The following THEMIS variants were observed in gnomAD, a reference collection of about 807,000 sequenced individuals.
THEMIS encodes protein THEMIS.
A neutral mutation model predicts 52.6 loss-of-function variants in THEMIS; 37 were observed. That is an observed-to-expected ratio of 0.70 (90% CI 0.54 to 0.93). The LOEUF (loss-of-function observed/expected upper bound fraction) is 0.93, where lower values mean the gene tolerates loss of function less well. Among genes scored for constraint, THEMIS ranks in the 40% least tolerant of loss-of-function variants. The pLI is 0.00. For missense variants in THEMIS, 808 were observed against 763.1 expected (o/e 1.06, Z -0.69); for synonymous variants, 292 against 272.7 (o/e 1.07, Z -0.70).
chr6:127,842,235 A>G (rs1415114924), intron 2 of THEMIS, among the ~76,000 whole-genome samples: 1 of 152,050 alleles, frequency 6.6e-6, no homozygotes, highest in African/African-American at 2.4e-5. Flanking sequence ...TGAAAGATTG[A>G]TCATTTCAAT....
chr6:127,889,874 C>A (rs867172146), intron 1 of THEMIS, among the ~76,000 whole-genome samples: 5 of 152,054 alleles, frequency 3.3e-5, no homozygotes, highest in Non-Finnish European at 7.4e-5. Context: ...TATCTATACT[C>A]ACTCTCACAA....
intron 2 of THEMIS, among the ~76,000 whole-genome samples, chr6:127,851,366 AAGAC>A (rs1779419235): frequency 6.6e-6 from 1 of 151,738 alleles, no homozygotes; most frequent in Admixed American, 6.6e-5. Context: ...TTGAAAATCA[AAGAC>A]AGCCTTGGAA....
intron 1 of THEMIS, among the ~76,000 whole-genome samples, chr6:127,880,451 T>C (rs1780446762): frequency 6.6e-6 from 1 of 151,450 alleles, no homozygotes; most frequent in Non-Finnish European, 1.5e-5. Flanking sequence ...AAAATCAGGG[T>C]GGTTTCTGCT....
intron 2 of THEMIS, among the ~76,000 whole-genome samples, chr6:127,831,795 G>C (rs987860214): frequency 2.6e-5 from 4 of 152,170 alleles, no homozygotes; most frequent in Admixed American, 2.6e-4. Context: ...TGTATGCTGT[G>C]CTTGACTAAA....
chr6:127,719,602 ATAATAG>A (rs1049566620), intron 5 of THEMIS, 80 bp downstream of exon 5: 12 of 1,270,800 alleles, frequency 9.4e-6, no homozygotes, highest in Non-Finnish European at 1.3e-5. Flanking sequence ...TCCAAATAAA[ATAATAG>A]TAAGAATCTG....
chr6:127,848,568 A>G (rs1779305350), intron 2 of THEMIS, among the ~76,000 whole-genome samples: 1 of 151,470 alleles, frequency 6.6e-6, no homozygotes, highest in South Asian at 2.1e-4. Flanking sequence ...CTATTTCTCC[A>G]CATCCTCTCC....
At chr6:127,869,622 C>T (rs923265677) in intron 1 of THEMIS, among the ~76,000 whole-genome samples, 5 of 152,198 alleles carry the variant, frequency 3.3e-5, no homozygotes, top group Admixed American at 2.6e-4. Flanking sequence ...TCAAAGGCTT[C>T]AGCTAGGACT....
At position 127,709,801 on chromosome 6, in the gene THEMIS, C is replaced by T; in HGVS notation, c.*184G>A. On this transcript the variant is annotated 3_prime_UTR_variant, in exon 6 of 6. Coordinates refer to ENST00000368248, the MANE Select transcript of THEMIS (RefSeq NM_001010923.3). ...CACAACAGAATAGACTATATGAATT[C>T]TATATCATAGGTTTCTGTAAGTTTT... The T allele has an allele frequency of 1.8e-6, 1 of 565,840 alleles. No individual in the cohort carries two copies. Among genetic ancestry groups the T allele is most frequent in the Non-Finnish European group, 3.1e-6 (1 of 325,984 alleles). 35.1% of individuals were successfully genotyped at this position (565,840 alleles called of 1,614,324 possible).
intron 4 of THEMIS, among the ~76,000 whole-genome samples, chr6:127,730,356 A>AAG (rs1774742993): frequency 5.1e-5 from 7 of 136,230 alleles, no homozygotes; most frequent in Admixed American, 4.3e-4. Flanking sequence ...GAAGAGAAGA[A>AAG]AAGAGAAGAC....
chr6:127,700,646 T>C, the THEMIS span, among the ~76,000 whole-genome samples: 1 of 152,016 alleles, frequency 6.6e-6, no homozygotes, highest in African/African-American at 2.4e-5. Context: ...ATCATCCCAA[T>C]GGAAAAAATG....
Position 127,813,939 on chromosome 6 carries a change from G to T in THEMIS, c.710-8C>A. ...GGATTATATCTTTTCGAACTAAAAA[G>T]AAAAAATAAATCACTATGATATTTT... is the stretch of plus-strand genomic sequence containing the variant. On this transcript the variant is annotated splice_region_variant and splice_polypyrimidine_tract_variant and intron_variant, in intron 3 of 5. Coordinates refer to ENST00000368248, the MANE Select transcript of THEMIS (RefSeq NM_001010923.3). The T allele has an allele frequency of 2.6e-6, 4 of 1,520,956 alleles. No individual in the cohort carries two copies. The highest frequency in any genetic ancestry group is 3.5e-6 in the Non-Finnish European group (4 of 1,137,890). The allele number at this position is 1,520,956 out of a possible 1,614,324, so 94.2% of individuals were successfully genotyped here. A position where few individuals can be genotyped will look rare whatever the true frequency, so the allele number is the denominator to read the frequency against.
At chr6:127,702,100 GC>G in the THEMIS span, among the ~76,000 whole-genome samples, 7 of 151,582 alleles carry the variant, frequency 4.6e-5, no homozygotes, top group East Asian at 1.4e-3. Context: ...TTGACTGTAA[GC>G]CCCTCTGTTT....
chr6:127,709,966 T>C lies in THEMIS; in HGVS notation c.*19A>G. The C allele has an allele frequency of 1.3e-6, 2 of 1,585,276 alleles. No homozygotes were observed. Among genetic ancestry groups the C allele is most frequent in the Admixed American group, 1.8e-5 (1 of 54,604 alleles). On this transcript the variant is annotated 3_prime_UTR_variant, in exon 6 of 6. Coordinates refer to ENST00000368248, the MANE Select transcript of THEMIS (RefSeq NM_001010923.3). ...GCAACATTTATGTTTGCTGCCTAAGTGGCTTCTGTCACATCTTGTTATTTT... is the reference window on the plus strand; with the variant it reads ...GCAACATTTATGTTTGCTGCCTAAGCGGCTTCTGTCACATCTTGTTATTTT...
intron 5 of THEMIS, among the ~76,000 whole-genome samples, chr6:127,711,617 T>C (rs1241983364): frequency 6.6e-6 from 1 of 152,000 alleles, no homozygotes; most frequent in African/African-American, 2.4e-5. Context: ...TAGATCTTTC[T>C]TATATGACAA....
intron 4 of THEMIS, among the ~76,000 whole-genome samples, chr6:127,795,957 G>A (rs1458694023): frequency 1.3e-5 from 2 of 152,176 alleles, no homozygotes; most frequent in African/African-American, 2.4e-5. Context: ...TAGTCAATAT[G>A]TGGTACTGGG....
intron 4 of THEMIS, among the ~76,000 whole-genome samples, chr6:127,735,921 A>T (rs148146719): frequency 0.012 from 1,880 of 152,328 alleles, 43 homozygotes; most frequent in African/African-American, 0.043. Context: ...TCCTGAAAGC[A>T]TTCATGAAAC....
At chr6:127,810,069 T>C (rs1281081093) in intron 4 of THEMIS, among the ~76,000 whole-genome samples, 3 of 152,056 alleles carry the variant, frequency 2.0e-5, no homozygotes, top group African/African-American at 4.8e-5. Context: ...TGTACAGGTT[T>C]AGTCAAAGAT....
At chr6:127,886,503 C>T (rs991736778) in intron 1 of THEMIS, among the ~76,000 whole-genome samples, 3 of 152,090 alleles carry the variant, frequency 2.0e-5, no homozygotes, top group African/African-American at 4.8e-5. Context: ...AAAGTTTATG[C>T]TAACAACATG....
At chr6:127,909,363 T>C (rs1781354609) in intron 1 of THEMIS, among the ~76,000 whole-genome samples, 1 of 152,090 alleles carries the variant, frequency 6.6e-6, no homozygotes, top group African/African-American at 2.4e-5. Flanking sequence ...AGTTGAATCA[T>C]GGGGGCAGTT....
Sources: gnomAD v4.1 joint callset for allele counts (sites outside exome capture counted in the v4.1 genomes callset) on GRCh38, gnomAD v4.1.1 for gene constraint, MANE v1.5 for transcripts, NCBI Gene and HGNC (gene_info 2026-07-23, HGNC 2026-07-21) for gene names.